The following AGL variants were observed in gnomAD, a reference collection of about 807,000 sequenced individuals.
AGL encodes the protein amylo-alpha-1,6-glucosidase and 4-alpha-glucanotransferase.
In AGL, 128 loss-of-function variants were observed where a neutral mutation model predicts 199.3. That is an observed-to-expected ratio of 0.64 (90% CI 0.56 to 0.74). The LOEUF (loss-of-function observed/expected upper bound fraction) is 0.74. Among genes scored for constraint, AGL ranks in the 30% least tolerant of loss-of-function variants. AGL has a pLI of 0.00. For missense variants in AGL, 1,809 were observed against 1,820.8 expected (o/e 0.99, Z 0.12); for synonymous variants, 584 against 594.7 (o/e 0.98, Z 0.26).
chr1:99,867,318 G>C (rs1259779097), intron 5 of AGL, among the ~76,000 whole-genome samples: 1 of 152,298 alleles, frequency 6.6e-6, no homozygotes, highest in East Asian at 1.9e-4. Flanking sequence ...ATCTTAGTAA[G>C]AACAGGAGTC....
chr1:99,896,431 A>C (rs1193003225), intron 25 of AGL, 43 bp downstream of exon 25: 2 of 1,411,394 alleles, frequency 1.4e-6, no homozygotes, highest in South Asian at 2.3e-5. Flanking sequence ...TTTATGTCTG[A>C]ATGTCTTTTA....
chr1:99,905,376 TTGTTG>T (rs1345121285), intron 27 of AGL, among the ~76,000 whole-genome samples: 8 of 106,166 alleles, frequency 7.5e-5, no homozygotes, highest in Non-Finnish European at 1.2e-4. Context: ...TTTGTATTTG[TTGTTG>T]TTGTTGTTGT....
intron 25 of AGL, among the ~76,000 whole-genome samples, chr1:99,899,514 C>T (rs1653624517): frequency 1.0e-5 from 1 of 97,488 alleles, no homozygotes; most frequent in South Asian, 4.2e-4. Flanking sequence ...TTTTCTTTCT[C>T]TCTCTCTCTC....
chr1:99,899,954 G>C lies in AGL; in HGVS notation c.3363-682G>C, dbSNP rs552721603. Among the ~76,000 whole-genome samples the C allele has an allele frequency of 5.3e-5, 8 of 149,742 alleles. No individual in the cohort carries two copies. The Admixed American group carries it at 5.3e-4, about 10-fold the overall frequency. On this transcript the variant is annotated intron_variant, in intron 25 of 33. Transcript: ENST00000361915. ...TTCTTTCTTCTTTTTTTTTTTGATA[G>C]AGTCTTGCTCTGTTGCCCAGACTGG...
chr1:99,913,476 T>G, intron 29 of AGL, 51 bp from the exon 30 acceptor site: 1 of 1,373,942 alleles, frequency 7.3e-7, no homozygotes, highest in Non-Finnish European at 1.0e-6. Flanking sequence ...TAACTAGATG[T>G]GTGAATTGTT....
chr1:99,908,498 T>C (rs1250483156), intron 27 of AGL, among the ~76,000 whole-genome samples: 1 of 152,188 alleles, frequency 6.6e-6, no homozygotes, highest in African/African-American at 2.4e-5. Context: ...TCAAGGTCCC[T>C]GGAGATTCCA....
At chr1:99,917,638 T>G (rs867863933) in intron 33 of AGL, among the ~76,000 whole-genome samples, 6 of 152,300 alleles carry the variant, frequency 3.9e-5, no homozygotes, top group South Asian at 4.1e-4. Context: ...TTTTTGTGCT[T>G]CTTTTGCATT....
Position 99,896,965 on chromosome 1 carries a change from C to T in AGL, c.3362+577C>T, listed in dbSNP as rs371612658. On this transcript the variant is annotated intron_variant, in intron 25 of 33. Transcript: ENST00000361915. Reference sequence around the variant, plus strand: ...CTGAGTAGCTGAGATTACAGGCGCCCGCCACCACGCCCAGCTAATTTTTGT... The same window carrying T: ...CTGAGTAGCTGAGATTACAGGCGCCTGCCACCACGCCCAGCTAATTTTTGT... Among the ~76,000 whole-genome samples, 51 of 152,148 alleles carry T rather than the reference C, an allele frequency of 3.4e-4. 1 individual carries two copies. Among genetic ancestry groups the T allele is most frequent in the Admixed American group, 2.4e-3 (37 of 15,278 alleles).
At chr1:99,857,847 A>AGAGGGAGAGCGTGGGGAGGGGGAGGGGGG (rs1557743553) in intron 2 of AGL, among the ~76,000 whole-genome samples, 1 of 8,226 alleles carries the variant, frequency 1.2e-4, no homozygotes, top group Admixed American at 1.1e-3. Context: ...GGGGAGGGGG[A>AGAGGGAGAGCGTGGGGAGGGGGAGGGGGG]GGGGGGAAGA....
rs761587395 is a variant in AGL at position 99,891,200 on chromosome 1, A to T, written c.2813-20A>T. On this transcript the variant is annotated intron_variant, in intron 21 of 33. Coordinates refer to ENST00000361915, the MANE Select transcript of AGL (RefSeq NM_000642.3). ...TTGATGCTACCAATAATACAGCATG[A>T]CATGTCTCTGAATTTTCAGGTTTAA... The T allele has an allele frequency of 8.7e-6, 14 of 1,613,190 alleles. No homozygotes were observed. Among genetic ancestry groups the T allele is most frequent in the African/African-American group, 1.3e-5 (1 of 74,900 alleles).
At chr1:99,857,061 G>A (rs481932) in intron 2 of AGL, among the ~76,000 whole-genome samples, 66,411 of 148,492 alleles carry the variant, frequency 0.45, 14,306 homozygotes, top group East Asian at 0.51. Context: ...GGCTGGCCGG[G>A]CAGGGGGCTG....
chr1:99,886,220 A>G (rs1389817908), intron 20 of AGL, among the ~76,000 whole-genome samples: 1 of 152,182 alleles, frequency 6.6e-6, no homozygotes, highest in Admixed American at 6.5e-5. Context: ...TCACTCCTAT[A>G]ATCTCAGCAC....
At chr1:99,904,841 GTATT>G (rs1352257285) in intron 27 of AGL, among the ~76,000 whole-genome samples, 1 of 152,070 alleles carries the variant, frequency 6.6e-6, no homozygotes, top group East Asian at 1.9e-4. Flanking sequence ...GCATATACCA[GTATT>G]TATTTAACCA....
At position 99,851,041 on chromosome 1, in the gene AGL, A is replaced by T; in HGVS notation, c.-2A>T. 6.2e-7 allele frequency: 1 copy of T among 1,613,630 alleles called. No individual in the cohort carries two copies. Among genetic ancestry groups the T allele is most frequent in the Non-Finnish European group, 8.5e-7 (1 of 1,179,544 alleles). Reference sequence around the variant, plus strand: ...AAGATTTCAAATCCTCTAGAAGCCAAAATGGGACACAGTAAACAGATTCGA... The same window carrying T: ...AAGATTTCAAATCCTCTAGAAGCCATAATGGGACACAGTAAACAGATTCGA... On this transcript the variant is annotated 5_prime_UTR_variant, in exon 2 of 34. Transcript: ENST00000361915.
In AGL at chr1:99,884,679, C is replaced by A. The variant is rs149331873; in HGVS notation, c.2657C>A (p.Pro886His). Residue 886 changes from proline to histidine, a missense_variant, in exon 20 of 34, where the codon CCT becomes CAT. Transcript: ENST00000361915. ...SGSLAVDNAD[P>H]ILKIPFASLA... ...AGCCTAGCTGTTGACAATGCAGATC[C>A]TATATTAAAAATTCCTTTTGCTTCG... is the stretch of plus-strand genomic sequence containing the variant. 6.2e-7 allele frequency: 1 copy of A among 1,613,936 alleles called. No homozygotes were observed. The highest frequency in any genetic ancestry group is 1.1e-5 in the South Asian group (1 of 91,086).
At chr1:99,913,207 C>A (rs576570229) in intron 29 of AGL, among the ~76,000 whole-genome samples, 1 of 151,080 alleles carries the variant, frequency 6.6e-6, no homozygotes, top group East Asian at 1.9e-4. Flanking sequence ...GTGGACAATA[C>A]CAGACGCTGT....
intron 27 of AGL, among the ~76,000 whole-genome samples, chr1:99,904,663 A>C (rs1171106140): frequency 3.9e-5 from 6 of 152,166 alleles, no homozygotes; most frequent in Non-Finnish European, 8.8e-5. Flanking sequence ...TCTGTTCTGC[A>C]ACTCTATAGT....
At chr1:99,861,813 AT>A in intron 3 of AGL, 100 bp downstream of exon 3, 1 of 1,319,296 alleles carries the variant, frequency 7.6e-7, no homozygotes, top group Non-Finnish European at 1.1e-6. Context: ...TGGCAGTGCA[AT>A]TTTTATAGTG....
rs1025290831 is a variant in AGL at position 99,898,110 on chromosome 1, A to G, written c.3362+1722A>G. Among the ~76,000 whole-genome samples, 15 of 149,900 alleles carry G rather than the reference A, an allele frequency of 1.0e-4. No homozygotes were observed. In the East Asian group the frequency reaches 2.0e-3, roughly 20 times the overall value. On this transcript the variant is annotated intron_variant, in intron 25 of 33. Coordinates refer to ENST00000361915, the MANE Select transcript of AGL (RefSeq NM_000642.3). ...CACTCAGGCTGGAGTGCAGTGGCGC[A>G]ATCTCCGCTCACTGCAAGCTCCGCC...
Sources: allele counts gnomAD v4.1 joint callset (sites outside exome capture counted in the v4.1 genomes callset), GRCh38; gene constraint gnomAD v4.1.1; transcripts MANE v1.5; gene names NCBI Gene and HGNC (gene_info 2026-07-23, HGNC 2026-07-21).